Variants in CCDC141 observed in about 807,000 individuals in gnomAD.
CCDC141 encodes coiled-coil domain containing 141.
CCDC141 carries 168 observed loss-of-function variants against 181.0 expected under a neutral mutation model. That is an observed-to-expected ratio of 0.93 (90% CI 0.82 to 1.05). CCDC141 has a LOEUF of 1.05. CCDC141 is among the 50% of genes least tolerant of loss of function. The pLI is 0.00. For synonymous variants in CCDC141, 666 were observed against 642.3 expected, an observed-to-expected ratio of 1.04 and a Z score of -0.56; for missense variants, 1,902 against 1,788.5, an observed-to-expected ratio of 1.06 and a Z score of -1.14.
At chr2:178,977,535 G>A (rs951724320) in intron 3 of CCDC141, among the ~76,000 whole-genome samples, 2 of 152,234 alleles carry the variant, frequency 1.3e-5, no homozygotes, top group South Asian at 2.1e-4. Context: ...TTCAAATTGT[G>A]AAAAACAAGC....
At chr2:179,031,638 T>C (rs949724468) in intron 2 of CCDC141, among the ~76,000 whole-genome samples, 2 of 152,156 alleles carry the variant, frequency 1.3e-5, no homozygotes, top group African/African-American at 2.4e-5. Flanking sequence ...AGAATTCATA[T>C]ATGGAGTACC....
chr2:179,009,721 G>T (rs2042214004), intron 2 of CCDC141, among the ~76,000 whole-genome samples: 1 of 151,956 alleles, frequency 6.6e-6, no homozygotes, highest in Admixed American at 6.6e-5. Flanking sequence ...AGCTTTGGTG[G>T]TTTAATGCTC....
At position 178,855,328 on chromosome 2, in the gene CCDC141, C is replaced by A. The variant is rs368755845; in HGVS notation, c.3060+19G>T. 3.3e-4 allele frequency: 529 copies of A among 1,587,750 alleles called. No homozygotes were observed. The highest frequency in any genetic ancestry group is 4.3e-4 in the Non-Finnish European group (498 of 1,168,908). Reference sequence around the variant, plus strand: ...GAAAACAACATTACAACATGGATACCACTGCAAAAAGAGAATACCTCTTCT... The same window carrying A: ...GAAAACAACATTACAACATGGATACAACTGCAAAAAGAGAATACCTCTTCT... On this transcript the variant is annotated intron_variant, in intron 19 of 23. Coordinates refer to ENST00000443758, the MANE Select transcript of CCDC141 (RefSeq NM_173648.4).
chr2:178,864,510 A>G (rs1192549178), intron 17 of CCDC141, among the ~76,000 whole-genome samples: 1 of 152,208 alleles, frequency 6.6e-6, no homozygotes, highest in East Asian at 1.9e-4. Context: ...TCCCTGGAAC[A>G]CAAATTATGA....
chr2:178,816,849 C>T, the CCDC141 span, among the ~76,000 whole-genome samples: 6 of 152,170 alleles, frequency 3.9e-5, no homozygotes, highest in East Asian at 3.8e-4. Context: ...TAACTTTAAA[C>T]GTGGCTCCTG....
chr2:178,920,639 G>A (rs1472049175), intron 6 of CCDC141, among the ~76,000 whole-genome samples: 3 of 151,764 alleles, frequency 2.0e-5, no homozygotes, highest in Non-Finnish European at 2.9e-5. Context: ...TAGGAGGATC[G>A]CTTGAGACCA....
intron 2 of CCDC141, among the ~76,000 whole-genome samples, chr2:179,004,895 C>G (rs2042080644): frequency 6.6e-6 from 1 of 152,172 alleles, no homozygotes; most frequent in African/African-American, 2.4e-5. Context: ...GTGTGCCTGA[C>G]TAATTTTTGT....
In CCDC141 at chr2:178,879,036, C is replaced by A. The variant is rs906288479; in HGVS notation, c.1720-893G>T. On this transcript the variant is annotated intron_variant, in intron 11 of 23. Coordinates refer to ENST00000443758, the MANE Select transcript of CCDC141 (RefSeq NM_173648.4). ...TACTAAACTGCCTTCAAGAGCTAAT[C>A]TCTTATTAAGGTAAATTACTATGCC... 4.6e-5 allele frequency among the ~76,000 whole-genome samples: 7 copies of A among 152,118 alleles called. No homozygotes were observed. In the South Asian group the frequency reaches 6.2e-4, roughly 14 times the overall value.
intron 5 of CCDC141, among the ~76,000 whole-genome samples, chr2:178,945,878 T>C (rs1157069240): frequency 3.3e-5 from 4 of 120,140 alleles, no homozygotes; most frequent in African/African-American, 6.5e-5. Context: ...CACACACACA[T>C]CAGAGTTAAG....
chr2:179,023,887 G>A (rs2042757232), intron 2 of CCDC141, among the ~76,000 whole-genome samples: 1 of 152,110 alleles, frequency 6.6e-6, no homozygotes, highest in Non-Finnish European at 1.5e-5. Flanking sequence ...TTATATGAAT[G>A]TAAATACTTC....
At position 178,856,240 on chromosome 2, in the gene CCDC141, C is replaced by A; in HGVS notation, c.2865+17G>T. The A allele has an allele frequency of 1.3e-6, 2 of 1,594,432 alleles. No homozygotes were observed. The highest frequency in any genetic ancestry group is 1.7e-6 in the Non-Finnish European group (2 of 1,170,232). On this transcript the variant is annotated intron_variant, in intron 18 of 23. Transcript: ENST00000443758. ...GCATACACATGCGCACATATACAAA[C>A]CATACTTTCTTGTTACCTGCATTTT... is the stretch of plus-strand genomic sequence containing the variant.
rs183215632 is a variant in CCDC141, at chr2:178,930,606, T to C, written c.898-11699A>G. Among the ~76,000 whole-genome samples, 164 of 152,234 alleles carry C rather than the reference T, an allele frequency of 1.1e-3. 1 individual carries two copies. Among genetic ancestry groups the C allele is most frequent in the Non-Finnish European group, 1.9e-3 (130 of 67,970 alleles). ...GCAGTGTGTCAAACTGGCATGAAGA[T>C]AGACATATAGATTTACAGAATAGAA... On this transcript the variant is annotated intron_variant, in intron 6 of 23. Coordinates refer to ENST00000443758, the MANE Select transcript of CCDC141 (RefSeq NM_173648.4).
rs1488674271 is a variant in CCDC141 at position 178,918,854 on chromosome 2, C to T, written c.951G>A (p.Leu317=). ...GTTCTTTCTCCACGTAGTCCTTTGA[C>T]AGCAGAATTCTCAGTGCCTCACTCT... ...KLKSEALRIL[L]SKDYVEKEHL... The change falls in exon 7 of 24, where the codon CTG becomes CTA. Residue 317 remains leucine, a synonymous_variant. Coordinates refer to ENST00000443758, the MANE Select transcript of CCDC141 (RefSeq NM_173648.4). 4 of 1,550,550 alleles carry T rather than the reference C, an allele frequency of 2.6e-6. No individual in the cohort carries two copies. The highest frequency in any genetic ancestry group is 3.5e-6 in the Non-Finnish European group (4 of 1,147,010).
chr2:178,972,346 C>T lies in CCDC141; in HGVS notation c.526+2711G>A, dbSNP rs147342132. Among the ~76,000 whole-genome samples the T allele has an allele frequency of 1.6e-3, 242 of 152,274 alleles. No individual in the cohort carries two copies. In the East Asian group the frequency reaches 0.019, roughly 12 times the overall value. On this transcript the variant is annotated intron_variant, in intron 4 of 23. Coordinates refer to ENST00000443758, the MANE Select transcript of CCDC141 (RefSeq NM_173648.4). ...ACATTGGAATTATATACAAATAACA[C>T]GCAACAAATATACTTTGGGTTAGAC...
chr2:178,875,018 C>A (rs1433122091), intron 12 of CCDC141: 1 of 152,140 alleles, frequency 6.6e-6, no homozygotes, highest in Non-Finnish European at 1.5e-5. Context: ...GCTCTCAATA[C>A]AAAACTCTGG....
intron 2 of CCDC141, among the ~76,000 whole-genome samples, chr2:178,990,390 A>G (rs1266150488): frequency 1.3e-5 from 2 of 152,024 alleles, no homozygotes; most frequent in African/African-American, 2.4e-5. Context: ...CACGCATATT[A>G]ACAGCAACAG....
At chr2:178,965,813 T>C (rs1690603140) in intron 4 of CCDC141, among the ~76,000 whole-genome samples, 1 of 152,110 alleles carries the variant, frequency 6.6e-6, no homozygotes, top group Non-Finnish European at 1.5e-5. Flanking sequence ...GGGAGCCAAG[T>C]GGTCTGACTT....
chr2:178,817,267 T>C, the CCDC141 span, among the ~76,000 whole-genome samples: 6 of 152,218 alleles, frequency 3.9e-5, no homozygotes, highest in African/African-American at 1.4e-4. Flanking sequence ...CTGTCTGAAA[T>C]GTGCCACATG....
rs545270052 is a variant in CCDC141, at chr2:178,939,834, G to A, written c.897+4701C>T. Reference sequence around the variant, plus strand: ...CAAAAGAAGTCAACTGCACTTAGGGGTATCTCCCCAACTCACCCACAAGGG... The same window carrying A: ...CAAAAGAAGTCAACTGCACTTAGGGATATCTCCCCAACTCACCCACAAGGG... On this transcript the variant is annotated intron_variant, in intron 6 of 23. Coordinates refer to ENST00000443758, the MANE Select transcript of CCDC141 (RefSeq NM_173648.4). 1.2e-4 allele frequency among the ~76,000 whole-genome samples: 19 copies of A among 152,164 alleles called. 2 individuals carry two copies. The East Asian group carries it at 3.7e-3, about 29-fold the overall frequency.
Sources: gnomAD v4.1 joint callset for allele counts (sites outside exome capture counted in the v4.1 genomes callset) on GRCh38, gnomAD v4.1.1 for gene constraint, MANE v1.5 for transcripts, NCBI Gene and HGNC (gene_info 2026-07-23, HGNC 2026-07-21) for gene names.